RBFOX1: variants seen among roughly 807,000 people sequenced by gnomAD.
RBFOX1 encodes the protein RNA binding fox-1 homolog 1.
Under a neutral mutation model 57.7 loss-of-function variants are expected in RBFOX1, and 8 were observed. The ratio of observed to expected loss-of-function variants is 0.14; its 90% CI spans 0.08 to 0.25. The LOEUF (loss-of-function observed/expected upper bound fraction) is 0.25, where lower values mean the gene tolerates loss of function less well. RBFOX1 is among the 10% of genes least tolerant of loss of function. The pLI is 1.00. For missense variants in RBFOX1, 611 were observed against 548.5 expected (o/e 1.11, Z -1.14); for synonymous variants, 326 against 222.4 (o/e 1.47, Z -4.15).
chr16:7,083,459 T>A (rs865806719), intron 4 of RBFOX1, among the ~76,000 whole-genome samples: 1 of 151,794 alleles, frequency 6.6e-6, no homozygotes, highest in Non-Finnish European at 1.5e-5. Flanking sequence ...AGATTAAATA[T>A]AAAAAAACAA....
chr16:6,055,487 G>A (rs2095603444), intron 1 of RBFOX1, among the ~76,000 whole-genome samples: 1 of 151,350 alleles, frequency 6.6e-6, no homozygotes, highest in Non-Finnish European at 1.5e-5. Flanking sequence ...CAGCTATTCG[G>A]GAGGCTGAGG....
intron 10 of RBFOX1, among the ~76,000 whole-genome samples, chr16:7,620,811 AG>A (rs1169819704): frequency 1.3e-5 from 2 of 152,180 alleles, no homozygotes; most frequent in Admixed American, 6.5e-5. Flanking sequence ...ACTGACTTAT[AG>A]TTCAGTTTTA....
intron 3 of RBFOX1, among the ~76,000 whole-genome samples, chr16:7,027,623 T>C (rs530217179): frequency 6.6e-6 from 1 of 152,278 alleles, no homozygotes; most frequent in South Asian, 2.1e-4. Flanking sequence ...GCATAGAATT[T>C]AATCCCCCAA....
At chr16:7,187,264 C>G (rs551234026) in intron 4 of RBFOX1, among the ~76,000 whole-genome samples, 8 of 151,926 alleles carry the variant, frequency 5.3e-5, no homozygotes, top group African/African-American at 9.7e-5. Context: ...TAGCATAACA[C>G]AGGATATAAA....
At chr16:7,460,206 T>A (rs1445407539) in intron 4 of RBFOX1, among the ~76,000 whole-genome samples, 1 of 151,586 alleles carries the variant, frequency 6.6e-6, no homozygotes, top group Non-Finnish European at 1.5e-5. Context: ...CTGCCATTGC[T>A]CCAGACATCA....
chr16:6,164,758 C>T lies in RBFOX1; in HGVS notation c.-127+144766C>T, dbSNP rs556070010. Among the ~76,000 whole-genome samples, 30 of 152,088 alleles carry T rather than the reference C, an allele frequency of 2.0e-4. 1 individual carries two copies. Among genetic ancestry groups the T allele is most frequent in the African/African-American group, 6.7e-4 (28 of 41,494 alleles). On this transcript the variant is annotated intron_variant, in intron 1 of 15. Coordinates refer to ENST00000550418, the MANE Select transcript of RBFOX1 (RefSeq NM_018723.4). The stretch of plus-strand genomic sequence containing the variant: ...CTTCCAAAGTGCTGGTGTGACCCAC[C>T]GTGCCCAGCCTATATGGAAATATTT...
In RBFOX1 at chr16:7,274,665, G is replaced by C. The variant is rs145892713; in HGVS notation, c.27+222567G>C. ...TTTATTTATTTATTTATTTGAGATA[G>C]AGCATTAGGTTTTTTTTACTTTTTA... On this transcript the variant is annotated intron_variant, in intron 4 of 15. Transcript: ENST00000550418. Among the ~76,000 whole-genome samples, 22 of 150,174 alleles carry C rather than the reference G, an allele frequency of 1.5e-4. 1 individual carries two copies. The East Asian group carries it at 3.3e-3, about 23-fold the overall frequency.
At chr16:6,836,328 A>ATT (rs112506210) in intron 3 of RBFOX1, among the ~76,000 whole-genome samples, 4 of 144,888 alleles carry the variant, frequency 2.8e-5, no homozygotes, top group African/African-American at 1.2e-4. Flanking sequence ...TACTCCAAAG[A>ATT]AAGAAAACTG....
At chr16:5,817,131 C>G (rs980025104) in intron 3 of RBFOX1, among the ~76,000 whole-genome samples, 3 of 152,196 alleles carry the variant, frequency 2.0e-5, no homozygotes, top group Admixed American at 1.3e-4. Flanking sequence ...GCATTGTAAT[C>G]CAATTCAGCG....
At chr16:6,497,277 T>G (rs1441325613) in intron 2 of RBFOX1, among the ~76,000 whole-genome samples, 11 of 152,122 alleles carry the variant, frequency 7.2e-5, no homozygotes, top group African/African-American at 2.7e-4. Context: ...CCAGCTCTTC[T>G]CAGGTGGGCA....
intron 4 of RBFOX1, among the ~76,000 whole-genome samples, chr16:7,299,735 G>A (rs1343258403): frequency 6.6e-6 from 1 of 152,168 alleles, no homozygotes; most frequent in Non-Finnish European, 1.5e-5. Flanking sequence ...CAACAGGCCA[G>A]CTTAATGTAT....
chr16:5,558,752 C>G (rs866269318), intron 2 of RBFOX1, among the ~76,000 whole-genome samples: 4 of 152,152 alleles, frequency 2.6e-5, no homozygotes, highest in Middle Eastern at 3.2e-3. Flanking sequence ...TTGTAGCTTT[C>G]TGGCCAAAGC....
intron 4 of RBFOX1, among the ~76,000 whole-genome samples, chr16:7,303,869 T>C (rs894544483): frequency 2.1e-4 from 29 of 141,128 alleles, no homozygotes; most frequent in Admixed American, 1.8e-3. Context: ...CCTCTCGCTA[T>C]CCTTGCCCCC....
chr16:7,601,105 C>G (rs181430601), intron 9 of RBFOX1, among the ~76,000 whole-genome samples: 37 of 152,248 alleles, frequency 2.4e-4, no homozygotes, highest in Admixed American at 1.9e-3. Flanking sequence ...CTAGACATGG[C>G]TTTTTCATTT....
chr16:6,514,650 A>C (rs969605167), intron 2 of RBFOX1, among the ~76,000 whole-genome samples: 1 of 152,112 alleles, frequency 6.6e-6, no homozygotes, highest in African/African-American at 2.4e-5. Flanking sequence ...TGTCTCATCC[A>C]TCTCTAACAT....
Position 7,539,709 on chromosome 16 carries a change from T to C in RBFOX1, c.270+21320T>C, listed in dbSNP as rs142851808. 1.1e-3 allele frequency among the ~76,000 whole-genome samples: 169 copies of C among 152,256 alleles called. 1 individual carries two copies. Among genetic ancestry groups the C allele is most frequent in the African/African-American group, 3.8e-3 (156 of 41,564 alleles). On this transcript the variant is annotated intron_variant, in intron 5 of 15. Coordinates refer to ENST00000550418, the MANE Select transcript of RBFOX1 (RefSeq NM_018723.4). Reference sequence around the variant, plus strand: ...ACAAAGGACCAGGCAGAGTAGTCTATTGCTTGGCGACCAAGTGCATGATAG... The same window carrying C: ...ACAAAGGACCAGGCAGAGTAGTCTACTGCTTGGCGACCAAGTGCATGATAG...
chr16:6,499,096 G>A (rs992080058), intron 2 of RBFOX1, among the ~76,000 whole-genome samples: 1 of 152,222 alleles, frequency 6.6e-6, no homozygotes, highest in Admixed American at 6.5e-5. Context: ...GCTCCGTGGA[G>A]CACTTTTCAG....
chr16:6,896,075 C>A lies in RBFOX1; in HGVS notation c.-15-155982C>A, dbSNP rs548269549. 3.9e-5 allele frequency among the ~76,000 whole-genome samples: 6 copies of A among 152,124 alleles called. No homozygotes were observed. The East Asian group carries it at 1.2e-3, about 29-fold the overall frequency. ...ATCATCTGAGCTTAGGAGTTTGGGA[C>A]CAACCTGGCCAACATGGTGAAACCC... On this transcript the variant is annotated intron_variant, in intron 3 of 15. Coordinates refer to ENST00000550418, the MANE Select transcript of RBFOX1 (RefSeq NM_018723.4).
chr16:6,719,887 G>T (rs1317547922), intron 3 of RBFOX1, among the ~76,000 whole-genome samples: 1 of 151,922 alleles, frequency 6.6e-6, no homozygotes, highest in Non-Finnish European at 1.5e-5. Context: ...GAGGTCAGGA[G>T]TTCGAGACCA....
Sources: gnomAD v4.1 joint callset for allele counts (sites outside exome capture counted in the v4.1 genomes callset) on GRCh38, gnomAD v4.1.1 for gene constraint, MANE v1.5 for transcripts, NCBI Gene and HGNC (gene_info 2026-07-23, HGNC 2026-07-21) for gene names.